Variants in ARHGAP10 observed in about 807,000 individuals in gnomAD.
The protein encoded by ARHGAP10 is rho GTPase-activating protein 10.
Under a neutral mutation model 108.6 loss-of-function variants are expected in ARHGAP10, and 87 were observed. The observed-to-expected ratio is 0.80, with a 90% CI of 0.67 to 0.96. ARHGAP10 has a LOEUF of 0.96. Among genes scored for constraint, ARHGAP10 ranks in the 40% least tolerant of loss-of-function variants. The pLI is 0.00. For missense variants in ARHGAP10, 939 were observed against 954.5 expected (o/e 0.98, Z 0.21); for synonymous variants, 347 against 341.1 (o/e 1.02, Z -0.19).
At chr4:147,909,017 C>T (rs1736621678) in intron 11 of ARHGAP10, among the ~76,000 whole-genome samples, 1 of 152,144 alleles carries the variant, frequency 6.6e-6, no homozygotes, top group Non-Finnish European at 1.5e-5. Context: ...GAGCTCACTC[C>T]CACAAGACTG....
At chr4:148,045,516 CGG>C (rs1204708502) in intron 19 of ARHGAP10, among the ~76,000 whole-genome samples, 13 of 151,800 alleles carry the variant, frequency 8.6e-5, no homozygotes, top group African/African-American at 3.1e-4. Context: ...CTGAGGCAGG[CGG>C]ATCACCTGAG....
intron 1 of ARHGAP10, among the ~76,000 whole-genome samples, chr4:147,753,748 T>C (rs1729260078): frequency 6.6e-6 from 1 of 152,162 alleles, no homozygotes; most frequent in African/African-American, 2.4e-5. Context: ...ATGATTTTTT[T>C]CCCCTTTCGA....
chr4:147,997,770 C>A (rs977451104), intron 18 of ARHGAP10, among the ~76,000 whole-genome samples: 1 of 152,050 alleles, frequency 6.6e-6, no homozygotes. Flanking sequence ...CAATTTCTGG[C>A]CACAAAGGAA....
intron 5 of ARHGAP10, chr4:147,861,468 A>C (rs1213757228): frequency 6.6e-6 from 1 of 151,560 alleles, no homozygotes; most frequent in African/African-American, 2.4e-5. Flanking sequence ...GGGGAGGGGG[A>C]GGATCACCCC....
intron 10 of ARHGAP10, among the ~76,000 whole-genome samples, chr4:147,906,366 T>C (rs748100411): frequency 1.3e-4 from 20 of 152,212 alleles, no homozygotes; most frequent in Admixed American, 2.6e-4. Context: ...TATGTAGCAA[T>C]TGAAAGTTAT....
chr4:147,843,108 C>G (rs189085285), intron 3 of ARHGAP10, among the ~76,000 whole-genome samples: 1 of 152,302 alleles, frequency 6.6e-6, no homozygotes, highest in East Asian at 1.9e-4. Context: ...CCCGTTTGTA[C>G]TGGGCACCCC....
intron 15 of ARHGAP10, among the ~76,000 whole-genome samples, chr4:147,954,466 A>G (rs1738717296): frequency 6.6e-6 from 1 of 151,870 alleles, no homozygotes; most frequent in African/African-American, 2.4e-5. Flanking sequence ...ATCTCTGGCA[A>G]TATTCTCGGC....
chr4:148,043,175 G>A (rs750247211), intron 19 of ARHGAP10, among the ~76,000 whole-genome samples: 25 of 152,198 alleles, frequency 1.6e-4, no homozygotes, highest in Non-Finnish European at 2.8e-4. Context: ...CAGGAGAGGA[G>A]GGGTTTGGCA....
intron 16 of ARHGAP10, among the ~76,000 whole-genome samples, chr4:147,961,184 G>A (rs1738976863): frequency 6.6e-6 from 1 of 152,148 alleles, no homozygotes; most frequent in Non-Finnish European, 1.5e-5. Context: ...GTTAGCATGT[G>A]GAAGTTTCAG....
rs766543603 is a variant in ARHGAP10, at chr4:148,072,106, AC to A, written c.*28del. The A allele has an allele frequency of 6.3e-6, 10 of 1,598,134 alleles. No individual in the cohort carries two copies. The highest frequency in any genetic ancestry group is 8.5e-6 in the Non-Finnish European group (10 of 1,172,720). On this transcript the variant is annotated 3_prime_UTR_variant, in exon 23 of 23. Transcript: ENST00000336498. ...GCTCCTGGCCTCAGAGCCCCTGCTGACCCTGGCACCCAGGGACCTGCCTGGG... is the reference window on the plus strand; with the variant it reads ...GCTCCTGGCCTCAGAGCCCCTGCTGACCTGGCACCCAGGGACCTGCCTGGG...
At chr4:147,845,498 C>A (rs548062523) in intron 3 of ARHGAP10, among the ~76,000 whole-genome samples, 1 of 152,182 alleles carries the variant, frequency 6.6e-6, no homozygotes, top group Non-Finnish European at 1.5e-5. Context: ...TTTGGAGAAG[C>A]ACCTCTTTGG....
intron 19 of ARHGAP10, among the ~76,000 whole-genome samples, chr4:148,032,646 G>A (rs1240148225): frequency 6.6e-6 from 1 of 152,078 alleles, no homozygotes; most frequent in Non-Finnish European, 1.5e-5. Flanking sequence ...AGTTTATTAA[G>A]GAGTATTGAC....
intron 13 of ARHGAP10, among the ~76,000 whole-genome samples, chr4:147,932,143 A>AT (rs1157519860): frequency 8.5e-5 from 13 of 152,226 alleles, no homozygotes; most frequent in African/African-American, 2.7e-4. Flanking sequence ...CAGAATGGCT[A>AT]TTATTAAAAA....
chr4:148,063,336 C>T, intron 21 of ARHGAP10, 36 bp downstream of exon 21: 1 of 1,612,484 alleles, frequency 6.2e-7, no homozygotes. Flanking sequence ...AATATGGTGG[C>T]AGCACACACA....
chr4:147,940,385 C>T (rs1738126016), intron 14 of ARHGAP10, among the ~76,000 whole-genome samples: 1 of 152,212 alleles, frequency 6.6e-6, no homozygotes, highest in Non-Finnish European at 1.5e-5. Flanking sequence ...CATGCATGCT[C>T]CATCTGTGCT....
chr4:148,052,092 C>G (rs1219054760), intron 20 of ARHGAP10, among the ~76,000 whole-genome samples: 1 of 152,044 alleles, frequency 6.6e-6, no homozygotes, highest in Non-Finnish European at 1.5e-5. Flanking sequence ...GAATGATTTG[C>G]CTAAAGTTCA....
intron 1 of ARHGAP10, among the ~76,000 whole-genome samples, chr4:147,754,058 T>C (rs1729272181): frequency 6.6e-6 from 1 of 152,208 alleles, no homozygotes; most frequent in Non-Finnish European, 1.5e-5. Flanking sequence ...CCTGGCTTAC[T>C]GAGGGCAGTG....
chr4:147,988,414 G>C (rs1382600797), intron 18 of ARHGAP10, among the ~76,000 whole-genome samples: 1 of 151,940 alleles, frequency 6.6e-6, no homozygotes, highest in Admixed American at 6.6e-5. Flanking sequence ...ACATCTCCTG[G>C]CTGGTCCTCT....
rs372860881 is a variant in ARHGAP10, at chr4:147,978,660, T to C, written c.1716+11821T>C. Among the ~76,000 whole-genome samples the C allele has an allele frequency of 2.1e-4, 32 of 152,310 alleles. No homozygotes were observed. In the South Asian group the frequency reaches 5.4e-3, roughly 26 times the overall value. On this transcript the variant is annotated intron_variant, in intron 18 of 22. Transcript: ENST00000336498. ...TAATTTTCCTGAGGCCTCCCAGCCA[T>C]GCTTCATGTACAGCCTGTGGAACTG...
Sources: allele counts gnomAD v4.1 joint callset (sites outside exome capture counted in the v4.1 genomes callset), GRCh38; gene constraint gnomAD v4.1.1; transcripts MANE v1.5; gene names NCBI Gene and HGNC (gene_info 2026-07-23, HGNC 2026-07-21).